Variants in GABRA2 observed in about 807,000 individuals in gnomAD.
GABRA2 encodes the protein gamma-aminobutyric acid type A receptor subunit alpha2.
A neutral mutation model predicts 48.7 loss-of-function variants in GABRA2; 16 were observed. The observed-to-expected ratio is 0.33, with a 90% confidence interval of 0.22 to 0.50. The LOEUF (loss-of-function observed/expected upper bound fraction) is 0.50, where lower values mean the gene tolerates loss of function less well. Ranked by LOEUF, GABRA2 falls within the 20% of genes least tolerant of loss-of-function variation. The pLI is 0.98. For missense variants in GABRA2, 275 were observed against 535.6 expected, an observed-to-expected ratio of 0.51 and a Z score of 4.80; for synonymous variants, 185 against 184.5, an observed-to-expected ratio of 1.00 and a Z score of -0.02.
chr4:46,276,599 CAAAAAA>C (rs60891194), intron 8 of GABRA2, among the ~76,000 whole-genome samples: 1 of 85,188 alleles, frequency 1.2e-5, no homozygotes, highest in Non-Finnish European at 2.7e-5. Context: ...ACTTCAGGCT[CAAAAAA>C]AAAAAAAAAA....
intron 7 of GABRA2, among the ~76,000 whole-genome samples, chr4:46,303,971 C>G (rs2109629586): frequency 6.6e-6 from 1 of 152,042 alleles, no homozygotes. Context: ...CTAACATGCT[C>G]TAATGAGCAT....
At chr4:46,337,666 A>AG (rs1553917702) in intron 3 of GABRA2, among the ~76,000 whole-genome samples, 2 of 151,438 alleles carry the variant, frequency 1.3e-5, no homozygotes, top group African/African-American at 4.8e-5. Flanking sequence ...AAAAAAAAAA[A>AG]AGAGACTGAG....
chr4:46,245,218 C>T lies in GABRA2; in HGVS notation c.*5090G>A, dbSNP rs1013159688. 6.6e-6 allele frequency among the ~76,000 whole-genome samples: 1 copy of T among 150,974 alleles called. No homozygotes were observed. The highest frequency in any genetic ancestry group is 1.5e-5 in the Non-Finnish European group (1 of 67,368). On this transcript the variant is annotated 3_prime_UTR_variant, in exon 10 of 10. Coordinates refer to ENST00000381620, the MANE Select transcript of GABRA2 (RefSeq NM_000807.4). ...AACGTTGACTAGTATGTGATGGGCT[C>T]TCTGTAAGAATTATACTCTGAATCA...
chr4:46,350,009 G>A (rs1734849116), intron 3 of GABRA2, among the ~76,000 whole-genome samples: 1 of 151,700 alleles, frequency 6.6e-6, no homozygotes, highest in Non-Finnish European at 1.5e-5. Context: ...CACCTATTAA[G>A]CATTTACTGT....
intron 8 of GABRA2, among the ~76,000 whole-genome samples, chr4:46,295,051 T>C (rs1724381091): frequency 6.6e-6 from 1 of 152,108 alleles, no homozygotes. Flanking sequence ...TCATGGGGAG[T>C]TCCCTATGAT....
rs1368299040 is a variant in GABRA2, at chr4:46,386,186, C to T, written c.75G>A (p.Leu25=). The T allele has an allele frequency of 1.3e-6, 2 of 1,577,598 alleles. No homozygotes were observed. The highest frequency in any genetic ancestry group is 8.7e-7 in the Non-Finnish European group (1 of 1,153,266). The part of the protein sequence containing the change: ...FVFLVWDPAR[L]VLANIQEDEA... ...CATCTTCTTGGATGTTAGCCAGCACCAACCTAAACAGATAATTTTAAAAGC... is the reference window on the plus strand; with the variant it reads ...CATCTTCTTGGATGTTAGCCAGCACTAACCTAAACAGATAATTTTAAAAGC... The change falls in exon 3 of 10, where the codon TTG becomes TTA. Residue 25 remains leucine, a synonymous_variant. Coordinates refer to ENST00000381620, the MANE Select transcript of GABRA2 (RefSeq NM_000807.4).
chr4:46,258,214 T>C (rs1279624814), intron 9 of GABRA2, among the ~76,000 whole-genome samples: 2 of 151,822 alleles, frequency 1.3e-5, no homozygotes, highest in African/African-American at 4.8e-5. Flanking sequence ...ACCTAATACA[T>C]GTAAGAACCT....
intron 3 of GABRA2, among the ~76,000 whole-genome samples, chr4:46,361,143 T>C (rs1047549172): frequency 1.5e-4 from 23 of 152,156 alleles, no homozygotes; most frequent in Admixed American, 9.8e-4. Flanking sequence ...AAACTTGCAT[T>C]AGTAATGAGG....
chr4:46,264,699 T>A (rs914711530), intron 8 of GABRA2, among the ~76,000 whole-genome samples: 5 of 151,984 alleles, frequency 3.3e-5, no homozygotes, highest in Non-Finnish European at 4.4e-5. Context: ...TACGGCCTTA[T>A]AAAGTGAGTC....
At chr4:46,376,420 A>C (rs188614559) in intron 3 of GABRA2, among the ~76,000 whole-genome samples, 358 of 152,338 alleles carry the variant, frequency 2.4e-3, no homozygotes, top group South Asian at 5.2e-3. Context: ...GAAGTGCTAC[A>C]GGGAAAAAAT....
chr4:46,289,399 G>T (rs917422731), intron 8 of GABRA2, among the ~76,000 whole-genome samples: 15 of 152,174 alleles, frequency 9.9e-5, no homozygotes, highest in Admixed American at 3.9e-4. Flanking sequence ...TCCTTTGCAG[G>T]AACATGGGTG....
At chr4:46,292,951 T>A (rs1723950544) in intron 8 of GABRA2, among the ~76,000 whole-genome samples, 1 of 152,104 alleles carries the variant, frequency 6.6e-6, no homozygotes, top group Non-Finnish European at 1.5e-5. Flanking sequence ...TTAAATATAA[T>A]GGGAATAATT....
intron 8 of GABRA2, 65 bp from the exon 9 acceptor site, chr4:46,262,193 C>T (rs76998817): frequency 1.5e-5 from 20 of 1,323,960 alleles, no homozygotes; most frequent in Non-Finnish European, 2.2e-5. Context: ...TGGGAAGTAG[C>T]TTTTCTTTCT....
At chr4:46,284,427 G>A (rs1056112876) in intron 8 of GABRA2, among the ~76,000 whole-genome samples, 1 of 152,080 alleles carries the variant, frequency 6.6e-6, no homozygotes, top group African/African-American at 2.4e-5. Flanking sequence ...AAGGGAGCTG[G>A]GCTTACTTTT....
chr4:46,290,239 G>C (rs1577924712), intron 8 of GABRA2, among the ~76,000 whole-genome samples: 1 of 151,486 alleles, frequency 6.6e-6, no homozygotes, highest in East Asian at 1.9e-4. Flanking sequence ...TTTCAATGTT[G>C]TTTAGGTTTT....
At chr4:46,373,945 C>T (rs1252267485) in intron 3 of GABRA2, among the ~76,000 whole-genome samples, 4 of 152,072 alleles carry the variant, frequency 2.6e-5, no homozygotes, top group South Asian at 2.1e-4. Context: ...CTTGCAATTC[C>T]GTTTTCTTTT....
At position 46,249,524 on chromosome 4, in the gene GABRA2, A is replaced by T. The variant is rs200827830; in HGVS notation, c.*784T>A. ...TTTAGCTGATCAATTTCAATACAAC[A>T]CATACCTGGAAATGTTAAGACACAT... On this transcript the variant is annotated 3_prime_UTR_variant, in exon 10 of 10. Coordinates refer to ENST00000381620, the MANE Select transcript of GABRA2 (RefSeq NM_000807.4). The T allele has an allele frequency of 2.0e-5, 3 of 151,240 alleles. No homozygotes were observed. The highest frequency in any genetic ancestry group is 4.4e-5 in the Non-Finnish European group (3 of 67,596). 9.4% of individuals were successfully genotyped at this position (151,240 alleles called of 1,614,324 possible).
intron 4 of GABRA2, among the ~76,000 whole-genome samples, chr4:46,327,648 C>A (rs61621790): frequency 0.047 from 7,107 of 152,072 alleles, 564 homozygotes; most frequent in African/African-American, 0.16. Flanking sequence ...ACTCACAACT[C>A]TCTAAACTTC....
chr4:46,351,993 C>A (rs1192725173), intron 3 of GABRA2, among the ~76,000 whole-genome samples: 3 of 84,096 alleles, frequency 3.6e-5, no homozygotes, highest in African/African-American at 1.9e-4. Flanking sequence ...TTTTACCTGT[C>A]CACTTACTTG....
Sources: allele counts gnomAD v4.1 joint callset (sites outside exome capture counted in the v4.1 genomes callset), GRCh38; gene constraint gnomAD v4.1.1; transcripts MANE v1.5; gene names NCBI Gene and HGNC (gene_info 2026-07-23, HGNC 2026-07-21).